Variants in GALNT13 observed in about 807,000 individuals in gnomAD.
GALNT13 encodes the protein polypeptide N-acetylgalactosaminyltransferase 13.
A neutral mutation model predicts 64.2 loss-of-function variants in GALNT13; 28 were observed. That is an observed-to-expected ratio of 0.44 (90% CI 0.32 to 0.60). The LOEUF (loss-of-function observed/expected upper bound fraction) is 0.60. Among genes scored for constraint, GALNT13 ranks in the 20% least tolerant of loss-of-function variants. The pLI is 0.05. For synonymous variants in GALNT13, 214 were observed against 224.6 expected (o/e 0.95, Z 0.42); for missense variants, 577 against 669.8 (o/e 0.86, Z 1.53).
At chr2:153,216,756 A>T in the GALNT13 span, among the ~76,000 whole-genome samples, 3 of 151,998 alleles carry the variant, frequency 2.0e-5, no homozygotes, top group Non-Finnish European at 4.4e-5. Context: ...GCTTATTTTT[A>T]AAAAATTCTC....
At chr2:153,264,799 T>C in the GALNT13 span, among the ~76,000 whole-genome samples, 4 of 152,064 alleles carry the variant, frequency 2.6e-5, no homozygotes, top group Non-Finnish European at 4.4e-5. Flanking sequence ...GGGCCTGTTG[T>C]GGGGAGGCAG....
At chr2:153,267,605 A>G in the GALNT13 span, among the ~76,000 whole-genome samples, 5 of 152,232 alleles carry the variant, frequency 3.3e-5, no homozygotes, top group Admixed American at 3.3e-4. Context: ...GAGGCTGCAC[A>G]GAGCAGTGGG....
At chr2:154,216,304 A>AAGCCT (rs1333242197) in intron 4 of GALNT13, among the ~76,000 whole-genome samples, 2 of 152,108 alleles carry the variant, frequency 1.3e-5, no homozygotes, top group Non-Finnish European at 2.9e-5. Context: ...TACAAACTAA[A>AAGCCT]AGCCTATTTA....
the GALNT13 span, among the ~76,000 whole-genome samples, chr2:153,554,160 C>CA: frequency 0.048 from 5,483 of 115,132 alleles, 153 homozygotes; most frequent in African/African-American, 0.097. Context: ...ACTAAAAATA[C>CA]AAAAAAAAAA....
chr2:153,089,706 G>A, the GALNT13 span, among the ~76,000 whole-genome samples: 1 of 151,850 alleles, frequency 6.6e-6, no homozygotes, highest in South Asian at 2.1e-4. Flanking sequence ...TAATTCAAAA[G>A]GCTTGTCTTC....
chr2:153,234,521 T>A, the GALNT13 span, among the ~76,000 whole-genome samples: 1 of 152,134 alleles, frequency 6.6e-6, no homozygotes, highest in African/African-American at 2.4e-5. Flanking sequence ...GATCCGCAGA[T>A]AGACACAATG....
chr2:153,230,842 T>C, the GALNT13 span, among the ~76,000 whole-genome samples: 1 of 152,200 alleles, frequency 6.6e-6, no homozygotes, highest in African/African-American at 2.4e-5. Flanking sequence ...TTGGAGACTT[T>C]TCACAAATAT....
At chr2:153,568,008 G>GT in the GALNT13 span, among the ~76,000 whole-genome samples, 10 of 152,256 alleles carry the variant, frequency 6.6e-5, 1 homozygote, top group East Asian at 5.8e-4. Context: ...CTTCTTTTAA[G>GT]TTTTTTCCTC....
the GALNT13 span, among the ~76,000 whole-genome samples, chr2:153,487,008 C>T: frequency 3.3e-5 from 5 of 152,090 alleles, no homozygotes; most frequent in Admixed American, 6.5e-5. Flanking sequence ...AGATTCAGCT[C>T]GATTAATCAG....
chr2:154,085,474 G>T (rs1701477397), intron 3 of GALNT13, among the ~76,000 whole-genome samples: 1 of 151,964 alleles, frequency 6.6e-6, no homozygotes, highest in African/African-American at 2.4e-5. Context: ...GCTTCATTCA[G>T]AATTCACTGA....
chr2:153,721,098 C>G, the GALNT13 span, among the ~76,000 whole-genome samples: 2 of 148,396 alleles, frequency 1.3e-5, no homozygotes, highest in African/African-American at 5.0e-5. Flanking sequence ...GCCCATCAGA[C>G]TAACAGCGGA....
intron 3 of GALNT13, among the ~76,000 whole-genome samples, chr2:154,031,378 C>T (rs1698327344): frequency 6.6e-6 from 1 of 151,716 alleles, no homozygotes; most frequent in South Asian, 2.1e-4. Context: ...AGAGAACAGA[C>T]AGAAAGATGG....
chr2:153,378,306 AG>A, the GALNT13 span, among the ~76,000 whole-genome samples: 2,288 of 115,368 alleles, frequency 0.02, 47 homozygotes, highest in African/African-American at 0.075. Context: ...ATAGATAGAT[AG>A]ATAATTTTTT....
At chr2:153,087,223 T>C in the GALNT13 span, among the ~76,000 whole-genome samples, 1 of 152,154 alleles carries the variant, frequency 6.6e-6, no homozygotes, top group Non-Finnish European at 1.5e-5. Context: ...CTTTTTCTGC[T>C]TCTATTGAGA....
chr2:154,088,096 A>G (rs1052106310), intron 3 of GALNT13, among the ~76,000 whole-genome samples: 5 of 152,126 alleles, frequency 3.3e-5, no homozygotes, highest in African/African-American at 1.2e-4. Flanking sequence ...AAGTTTTACC[A>G]TAACTGAAAA....
chr2:154,055,936 A>G (rs1256352407), intron 3 of GALNT13, among the ~76,000 whole-genome samples: 2 of 152,100 alleles, frequency 1.3e-5, no homozygotes, highest in African/African-American at 2.4e-5. Flanking sequence ...CTCTCAAGAA[A>G]AGGAGGTTAA....
At chr2:153,879,757 G>A (rs1194162237) in intron 1 of GALNT13, among the ~76,000 whole-genome samples, 1 of 152,044 alleles carries the variant, frequency 6.6e-6, no homozygotes, top group Non-Finnish European at 1.5e-5. Flanking sequence ...AGTAAGTTTT[G>A]CCTTTGAAAG....
the GALNT13 span, among the ~76,000 whole-genome samples, chr2:153,440,056 A>T: frequency 3.3e-5 from 5 of 152,076 alleles, no homozygotes; most frequent in African/African-American, 1.2e-4. Context: ...GCACCCATCA[A>T]CCCGTCATCT....
At chr2:154,438,827 G>C (rs996724986) in intron 12 of GALNT13, 101 bp downstream of exon 12, 1 of 946,030 alleles carries the variant, frequency 1.1e-6, no homozygotes, top group Non-Finnish European at 1.6e-6. Context: ...ATCTACATTG[G>C]CAGAATTAGA....
Sources: allele counts gnomAD v4.1 joint callset (sites outside exome capture counted in the v4.1 genomes callset), GRCh38; gene constraint gnomAD v4.1.1; transcripts MANE v1.5; gene names NCBI Gene and HGNC (gene_info 2026-07-23, HGNC 2026-07-21).